Variants in TUBGCP5 observed in about 807,000 individuals in gnomAD.
The protein encoded by TUBGCP5 is gamma-tubulin complex component 5.
TUBGCP5 carries 98 observed loss-of-function variants against 134.7 expected under a neutral mutation model. The observed-to-expected ratio is 0.73, with a 90% CI of 0.62 to 0.86. The LOEUF is 0.86. Ranked by LOEUF, TUBGCP5 falls within the 40% of genes least tolerant of loss-of-function variation. The probability of loss-of-function intolerance (pLI) is 0.00; values close to 1 mark genes in which losing one functional copy is unlikely to be tolerated. For missense variants in TUBGCP5, 1,150 were observed against 1,244.8 expected (o/e 0.92, Z 1.15); for synonymous variants, 456 against 431.4 (o/e 1.06, Z -0.71).
At chr15:23,037,226 T>C in intron 1 of TUBGCP5, 74 bp from the exon 2 acceptor site, 3 of 1,343,980 alleles carry the variant, frequency 2.2e-6, no homozygotes, top group African/African-American at 1.4e-5. Flanking sequence ...TGGCCCTCCA[T>C]ATCCCCCATA....
chr15:22,987,195 G>A (rs1237370443), intron 23 of TUBGCP5, among the ~76,000 whole-genome samples: 3 of 151,994 alleles, frequency 2.0e-5, no homozygotes, highest in East Asian at 1.9e-4. Context: ...TTAACCGGGC[G>A]TGGTGGAACA....
In TUBGCP5 at chr15:23,016,986, A is replaced by ATATATATATATATATATATATATG. The variant is rs373904143; in HGVS notation, c.1756+786_1756+787insCATATATATATATATATATATATA. 3.0e-4 allele frequency among the ~76,000 whole-genome samples: 41 copies of ATATATATATATATATATATATATG among 138,298 alleles called. 1 individual carries two copies. The highest frequency in any genetic ancestry group is 9.4e-4 in the South Asian group (4 of 4,254). 90.7% of individuals were successfully genotyped at this position (138,298 alleles called of 152,430 possible). ...AATTGTGAGATATATATATATATAT[A>ATATATATATATATATATATATATG]TGTATATATCTTGAAGATAAAAGAG... On this transcript the variant is annotated intron_variant, in intron 13 of 22. Transcript: ENST00000615383.
intron 3 of TUBGCP5, among the ~76,000 whole-genome samples, chr15:23,033,110 G>A (rs12595224): frequency 6.6e-6 from 1 of 152,038 alleles, no homozygotes; most frequent in Non-Finnish European, 1.5e-5. Context: ...AATGTCTTTA[G>A]AGTATAACAT....
At chr15:23,000,397 A>G (rs1370122351) in intron 22 of TUBGCP5, 172 bp downstream of exon 22, 3 of 1,391,364 alleles carry the variant, frequency 2.2e-6, no homozygotes, top group Non-Finnish European at 9.3e-7. Context: ...CACTCACCTC[A>G]CCGTAATGCT....
intron 23 of TUBGCP5, among the ~76,000 whole-genome samples, chr15:22,992,635 G>C (rs910431045): frequency 1.3e-5 from 2 of 152,120 alleles, no homozygotes; most frequent in Non-Finnish European, 2.9e-5. Flanking sequence ...TTTGAGGAGA[G>C]TGTTGATGAC....
Position 23,031,983 on chromosome 15 carries a change from T to C in TUBGCP5, c.453A>G (p.Glu151=). 1 of 1,612,882 alleles carries C rather than the reference T, an allele frequency of 6.2e-7. No individual in the cohort carries two copies. Among genetic ancestry groups the C allele is most frequent in the East Asian group, 2.2e-5 (1 of 44,858 alleles). Residue 151 remains glutamate, a synonymous_variant, in exon 5 of 23, where the codon GAA becomes GAG. Coordinates refer to ENST00000615383, the MANE Select transcript of TUBGCP5 (RefSeq NM_052903.6). ...CCATGTACGGACCAATGTCCATTTC[T>C]TCATCTTCCATCAAGTATTTTCCCC... ...FDWGKYLMED[E]EMDIGPYMDT... is the part of the protein sequence containing the mutation.
chr15:23,004,444 C>G lies in TUBGCP5; in HGVS notation c.2713-217G>C. ...GGCGGGGGCAATCCTGTAGGACGCC[C>G]ACTTGCACAGTGAATGAATGAACGC... On this transcript the variant is annotated intron_variant, in intron 19 of 22. Transcript: ENST00000615383. The G allele has an allele frequency of 5.8e-6, 3 of 514,334 alleles. No individual in the cohort carries two copies. In the South Asian group the frequency reaches 8.2e-5, roughly 14 times the overall value. 31.9% of individuals were successfully genotyped at this position (514,334 alleles called of 1,614,324 possible). A position where few individuals can be genotyped will look rare whatever the true frequency, so the allele number is the denominator to read the frequency against.
rs1360612341 is a variant in TUBGCP5, at chr15:23,004,209, G to A, written c.2731C>T (p.Leu911=). Reference sequence around the variant, plus strand: ...TCCTCGACTTGATGTTGAAACTCCAGCCCTGTACTGTGTAGAATCTTGGAA... The same window carrying A: ...TCCTCGACTTGATGTTGAAACTCCAACCCTGTACTGTGTAGAATCTTGGAA... ...IMTRILHSTG[L]EFQHQVEEAK... is the part of the protein sequence containing the mutation. Residue 911 remains leucine (L), a synonymous_variant, in exon 20 of 23, where the codon CTG becomes TTG. Coordinates refer to ENST00000615383, the MANE Select transcript of TUBGCP5 (RefSeq NM_052903.6). 6.2e-7 allele frequency: 1 copy of A among 1,611,724 alleles called. No individual in the cohort carries two copies. The highest frequency in any genetic ancestry group is 1.1e-5 in the South Asian group (1 of 90,320).
rs142941666 is a variant in TUBGCP5 at position 23,038,851 on chromosome 15, G to T, written c.146+547C>A. ...GAAATTGTATTAGGTGACTCAGCGT[G>T]CTACGTGCCAGGAGCTGTGCAGAGA... On this transcript the variant is annotated intron_variant, in intron 1 of 22. Coordinates refer to ENST00000615383, the MANE Select transcript of TUBGCP5 (RefSeq NM_052903.6). Among the ~76,000 whole-genome samples the T allele has an allele frequency of 5.3e-3, 761 of 143,846 alleles. 3 individuals carry two copies. The highest frequency in any genetic ancestry group is 5.7e-3 in the Non-Finnish European group (361 of 63,430). 94.4% of individuals were successfully genotyped at this position (143,846 alleles called of 152,430 possible). A position where few individuals can be genotyped will look rare whatever the true frequency, so the allele number is the denominator to read the frequency against.
intron 1 of TUBGCP5, among the ~76,000 whole-genome samples, chr15:23,037,697 TA>T (rs2066675198): frequency 6.6e-6 from 1 of 152,204 alleles, no homozygotes; most frequent in Admixed American, 6.5e-5. Flanking sequence ...CATTTACAAA[TA>T]TCTACAACTC....
chr15:22,986,587 A>C (rs1464969734), intron 23 of TUBGCP5, among the ~76,000 whole-genome samples: 1 of 151,842 alleles, frequency 6.6e-6, no homozygotes, highest in Non-Finnish European at 1.5e-5. Flanking sequence ...AAATACAAAA[A>C]ATTAGCCGGG....
At chr15:23,006,230 C>A in intron 17 of TUBGCP5, 38 bp downstream of exon 17, 1 of 1,608,460 alleles carries the variant, frequency 6.2e-7, no homozygotes. Context: ...TTAATGTTAG[C>A]AGAAAACACG....
At chr15:23,035,027 A>T (rs114032399) in intron 3 of TUBGCP5, among the ~76,000 whole-genome samples, 5,444 of 152,006 alleles carry the variant, frequency 0.036, 241 homozygotes, top group African/African-American at 0.1. Flanking sequence ...TCCCACAGAC[A>T]TTAAAAGGAT....
In TUBGCP5 at chr15:23,018,026, T is replaced by C; in HGVS notation, c.1503A>G (p.Pro501=). Residue 501 remains proline, a synonymous_variant, in exon 13 of 23, where the codon CCA becomes CCG. Transcript: ENST00000615383. ...CATACCAGAAGTCTCTGTGATTAAC[T>C]GGAACATTTTTGTTTCTAAAGAGAT... ...EFIIQRNKNV[P]VNHRDFWYAT... 1 of 1,607,980 alleles carries C rather than the reference T, an allele frequency of 6.2e-7. No individual in the cohort carries two copies. Among genetic ancestry groups the C allele is most frequent in the Non-Finnish European group, 8.5e-7 (1 of 1,176,196 alleles).
intron 23 of TUBGCP5, among the ~76,000 whole-genome samples, chr15:22,984,676 T>C (rs1294137938): frequency 2.6e-5 from 4 of 152,094 alleles, no homozygotes; most frequent in Admixed American, 6.6e-5. Flanking sequence ...TGCATAACGA[T>C]GTACAAAAAC....
intron 14 of TUBGCP5, 144 bp downstream of exon 14, chr15:23,010,989 A>G (rs1226651161): frequency 4.5e-6 from 1 of 221,500 alleles, no homozygotes; most frequent in East Asian, 1.3e-4. Context: ...TCAAACAAAC[A>G]AAAAAAAAAA....
intron 1 of TUBGCP5, among the ~76,000 whole-genome samples, chr15:23,039,196 C>G (rs1245600880): frequency 6.6e-6 from 1 of 152,004 alleles, no homozygotes; most frequent in Non-Finnish European, 1.5e-5. Flanking sequence ...CCGGGTAACA[C>G]GCCCTGTGGT....
rs539190877 is a variant in TUBGCP5 at position 23,002,991 on chromosome 15, C to A, written c.2927+74G>T. 4.1e-6 allele frequency: 6 copies of A among 1,475,430 alleles called. No homozygotes were observed. In the South Asian group the frequency reaches 7.0e-5, roughly 17 times the overall value. 91.4% of individuals were successfully genotyped at this position (1,475,430 alleles called of 1,614,324 possible). On this transcript the variant is annotated intron_variant, in intron 21 of 22. Coordinates refer to ENST00000615383, the MANE Select transcript of TUBGCP5 (RefSeq NM_052903.6). The stretch of plus-strand genomic sequence containing the variant: ...TCAGCCTCCTGAATGGCTGGGAAGA[C>A]CCTGTCTCTAAAAAAAAGGGAAGCT...
chr15:23,027,333 G>A, intron 6 of TUBGCP5, 27 bp from the exon 7 acceptor site: 2 of 1,590,464 alleles, frequency 1.3e-6, no homozygotes, highest in Non-Finnish European at 1.7e-6. Context: ...TAATCAGTTT[G>A]AGTTAACAAC....
Sources: allele counts gnomAD v4.1 joint callset (sites outside exome capture counted in the v4.1 genomes callset), GRCh38; gene constraint gnomAD v4.1.1; transcripts MANE v1.5; gene names NCBI Gene and HGNC (gene_info 2026-07-23, HGNC 2026-07-21).